The following PUM3 variants were observed in gnomAD, a reference collection of about 807,000 sequenced individuals.
PUM3 encodes pumilio homolog 3.
PUM3 carries 91 observed loss-of-function variants against 84.0 expected under a neutral mutation model. That is an observed-to-expected ratio of 1.08 (90% CI 0.91 to 1.29). The LOEUF is 1.29. Among genes scored for constraint, PUM3 ranks in the 50% most tolerant of loss-of-function variants. The pLI is 0.00. For missense variants in PUM3, 1,067 were observed against 767.5 expected (o/e 1.39, Z -4.61); for synonymous variants, 321 against 266.7 (o/e 1.20, Z -1.98).
intron 7 of PUM3, among the ~76,000 whole-genome samples, chr9:2,830,496 C>T (rs1815947032): frequency 6.6e-6 from 1 of 152,202 alleles, no homozygotes; most frequent in Non-Finnish European, 1.5e-5. Flanking sequence ...AGTCTCCACC[C>T]TCTTAATACT....
intron 10 of PUM3, among the ~76,000 whole-genome samples, chr9:2,826,220 A>G (rs933995844): frequency 6.6e-6 from 1 of 152,058 alleles, no homozygotes; most frequent in Non-Finnish European, 1.5e-5. Context: ...AACATTCAAC[A>G]CTAAAAAGAT....
chr9:2,831,878 T>G (rs1396369371), intron 5 of PUM3, among the ~76,000 whole-genome samples: 2 of 152,232 alleles, frequency 1.3e-5, no homozygotes, highest in Non-Finnish European at 2.9e-5. Context: ...TGTCACATTT[T>G]CATTATAATT....
intron 6 of PUM3, 57 bp from the exon 7 acceptor site, chr9:2,831,085 C>T (rs995418225): frequency 9.6e-7 from 1 of 1,047,004 alleles, no homozygotes; most frequent in Non-Finnish European, 1.4e-6. Context: ...TCTCTGGAAA[C>T]AAAGGGAGGA....
chr9:2,811,465 C>A lies in PUM3; in HGVS notation c.1531G>T (p.Val511Leu). ...GTGGCAGATCCCAGAATGTCAGACACCAACACACACGCAGACTTATCTAGC... is the reference window on the plus strand; with the variant it reads ...GTGGCAGATCCCAGAATGTCAGACAACAACACACACGCAGACTTATCTAGC... ...VVLDKSACVL[V>L]SDILGSATGD... Residue 511 changes from valine (V) to leucine (L), a missense_variant, in exon 15 of 18, where the codon GTG becomes TTG. By Grantham distance (32) the Val-to-Leu change is conservative. Transcript: ENST00000397885. The A allele has an allele frequency of 6.2e-7, 1 of 1,614,184 alleles. No individual in the cohort carries two copies. The highest frequency in any genetic ancestry group is 8.5e-7 in the Non-Finnish European group (1 of 1,180,040).
intron 7 of PUM3, 46 bp from the exon 8 acceptor site, chr9:2,829,994 G>A (rs755566537): frequency 6.5e-7 from 1 of 1,546,708 alleles, no homozygotes; most frequent in East Asian, 2.3e-5. Context: ...GAAGGAGAAA[G>A]CTGGGTGACA....
chr9:2,805,241 C>G (rs764417954), intron 17 of PUM3, among the ~76,000 whole-genome samples: 2 of 152,112 alleles, frequency 1.3e-5, no homozygotes, highest in African/African-American at 2.4e-5. Context: ...AGCCATTCTA[C>G]AAAATAAGCC....
At chr9:2,811,916 C>A (rs1821383377) in intron 14 of PUM3, among the ~76,000 whole-genome samples, 1 of 151,236 alleles carries the variant, frequency 6.6e-6, no homozygotes, top group African/African-American at 2.4e-5. Flanking sequence ...TGTATGGACA[C>A]CATACTCTAG....
intron 3 of PUM3, among the ~76,000 whole-genome samples, chr9:2,836,295 G>C (rs1816118618): frequency 6.6e-6 from 1 of 152,198 alleles, no homozygotes; most frequent in South Asian, 2.1e-4. Context: ...AAGACACGCT[G>C]TGCTGGAGAA....
chr9:2,837,114 C>A, intron 3 of PUM3, 66 bp downstream of exon 3: 1 of 1,344,012 alleles, frequency 7.4e-7, no homozygotes, highest in South Asian at 1.2e-5. Flanking sequence ...GTTTCTAACG[C>A]ACCTCCAGAG....
intron 12 of PUM3, among the ~76,000 whole-genome samples, chr9:2,821,716 T>C (rs1035729970): frequency 1.3e-5 from 2 of 152,144 alleles, no homozygotes; most frequent in East Asian, 1.9e-4. Context: ...TATACAAATT[T>C]AAAATGCAGG....
At chr9:2,807,105 G>C (rs1201357776) in intron 17 of PUM3, among the ~76,000 whole-genome samples, 1 of 152,060 alleles carries the variant, frequency 6.6e-6, no homozygotes, top group Non-Finnish European at 1.5e-5. Flanking sequence ...CTACTCAGGA[G>C]GCTGAGGCAG....
intron 17 of PUM3, among the ~76,000 whole-genome samples, chr9:2,807,394 G>C (rs1053460689): frequency 1.3e-5 from 2 of 151,836 alleles, no homozygotes; most frequent in Non-Finnish European, 2.9e-5. Flanking sequence ...CTAAGAGTCT[G>C]AGATCAGCCT....
intron 15 of PUM3, 33 bp from the exon 16 acceptor site, chr9:2,810,464 G>A (rs749541488): frequency 6.8e-7 from 1 of 1,472,864 alleles, no homozygotes; most frequent in African/African-American, 1.4e-5. Flanking sequence ...AATTTTAAAA[G>A]TTGTTTTCAT....
chr9:2,806,861 A>T (rs1258490683), intron 17 of PUM3, among the ~76,000 whole-genome samples: 1 of 152,254 alleles, frequency 6.6e-6, no homozygotes, highest in Non-Finnish European at 1.5e-5. Flanking sequence ...AGAATTAGGC[A>T]TGATTTAAAA....
Position 2,812,377 on chromosome 9 carries a change from A to G in PUM3, c.1270-15T>C, listed in dbSNP as rs540505828. 9 of 1,506,646 alleles carry G rather than the reference A, an allele frequency of 6.0e-6. No individual in the cohort carries two copies. In the East Asian group the frequency reaches 1.1e-4, roughly 19 times the overall value. The allele number at this position is 1,506,646 out of a possible 1,614,324, so 93.3% of individuals were successfully genotyped here. A position where few individuals can be genotyped will look rare whatever the true frequency, so the allele number is the denominator to read the frequency against. On this transcript the variant is annotated splice_polypyrimidine_tract_variant and intron_variant, in intron 13 of 17. Coordinates refer to ENST00000397885, the MANE Select transcript of PUM3 (RefSeq NM_014878.5). ...CTGATAATTTCCTATAAAATTATAA[A>G]CAAAAAAAAAGAATCAATATCTGCA...
intron 14 of PUM3, 107 bp from the exon 15 acceptor site, chr9:2,811,690 CTAT>C (rs1470602077): frequency 2.9e-6 from 2 of 701,134 alleles, no homozygotes; most frequent in Non-Finnish European, 2.4e-6. Flanking sequence ...GTATCGCACT[CTAT>C]TATTATTGTC....
chr9:2,819,529 C>T (rs572159699), intron 13 of PUM3, among the ~76,000 whole-genome samples: 115 of 152,294 alleles, frequency 7.6e-4, no homozygotes, highest in African/African-American at 2.7e-3. Flanking sequence ...TTCTCTTCTC[C>T]ATCAGCTCAA....
intron 3 of PUM3, 152 bp downstream of exon 3, chr9:2,837,028 A>C: frequency 1.5e-6 from 1 of 669,092 alleles, no homozygotes; most frequent in Non-Finnish European, 2.6e-6. Context: ...AATTGTGAGC[A>C]TGAAAGATGC....
Position 2,811,601 on chromosome 9 carries a change from C to T in PUM3, c.1413-18G>A, listed in dbSNP as rs778511452. ...CTTTCTTACTGTTGAGTATGTTGAA[C>T]GGGGTATTAAGGTAAGATAAATCGC... On this transcript the variant is annotated intron_variant, in intron 14 of 17. Transcript: ENST00000397885. The T allele has an allele frequency of 2.3e-5, 37 of 1,588,226 alleles. No homozygotes were observed. Among genetic ancestry groups the T allele is most frequent in the Middle Eastern group, 3.3e-4 (2 of 6,032 alleles).
Sources: allele counts gnomAD v4.1 joint callset (sites outside exome capture counted in the v4.1 genomes callset), GRCh38; gene constraint gnomAD v4.1.1; transcripts MANE v1.5; gene names NCBI Gene and HGNC (gene_info 2026-07-23, HGNC 2026-07-21).